The following SPINDOC variants were observed in gnomAD, a reference collection of about 807,000 sequenced individuals.
SPINDOC encodes spindlin interactor and repressor of chromatin-binding protein.
A neutral mutation model predicts 30.7 loss-of-function variants in SPINDOC; 13 were observed. The ratio of observed to expected loss-of-function variants is 0.42; its 90% CI spans 0.28 to 0.67. The LOEUF is 0.67. Among genes scored for constraint, SPINDOC ranks in the 30% least tolerant of loss-of-function variants. The probability of loss-of-function intolerance (pLI) is 0.22; values close to 1 mark genes in which losing one functional copy is unlikely to be tolerated. For synonymous variants in SPINDOC, 228 were observed against 211.4 expected, an observed-to-expected ratio of 1.08 and a Z score of -0.68; for missense variants, 438 against 518.0, an observed-to-expected ratio of 0.85 and a Z score of 1.50.
At chr11:63,817,035 G>A (rs1000331990) in intron 1 of SPINDOC, among the ~76,000 whole-genome samples, 17 of 151,934 alleles carry the variant, frequency 1.1e-4, no homozygotes, top group Non-Finnish European at 2.4e-4. Context: ...TAATTAGCTG[G>A]GTGTGATAGC....
Position 63,818,118 on chromosome 11 carries a change from G to A in SPINDOC, c.441G>A (p.Pro147=), listed in dbSNP as rs114963373. ...TGCAAGACGTGAGAGCTGAGCAGCCGTCCCCACCCAACTCAGGTAGTTGGT... is the reference window on the plus strand; with the variant it reads ...TGCAAGACGTGAGAGCTGAGCAGCCATCCCCACCCAACTCAGGTAGTTGGT... ...ALLQDVRAEQ[P]SPPNSDSGQD... is the part of the protein sequence containing the mutation. Residue 147 remains proline (P), a synonymous_variant, in exon 2 of 6, where the codon CCG becomes CCA. Coordinates refer to ENST00000294244, the MANE Select transcript of SPINDOC (RefSeq NM_138471.3). This position sits in a 1 kb window ranked among gnomAD's most constrained non-coding sequence, Gnocchi z 5.3. 177 of 1,613,902 alleles carry A rather than the reference G, an allele frequency of 1.1e-4. No homozygotes were observed. In the East Asian group the frequency reaches 1.2e-3, roughly 11 times the overall value.
Position 63,823,039 on chromosome 11 carries a change from T to C in SPINDOC, c.935-3889T>C, listed in dbSNP as rs1033694184. ...TGGGAAACCATAGAGGATACCTCAC[T>C]GGTACACAAGTGTTCCTGGAGCCTG... is the stretch of plus-strand genomic sequence containing the variant. On this transcript the variant is annotated intron_variant, in intron 5 of 5. Transcript: ENST00000294244. 8.5e-6 allele frequency: 9 copies of C among 1,064,958 alleles called. No individual in the cohort carries two copies. The South Asian group carries it at 1.0e-4, about 12-fold the overall frequency. 66.0% of individuals were successfully genotyped at this position (1,064,958 alleles called of 1,614,324 possible).
intron 5 of SPINDOC, among the ~76,000 whole-genome samples, chr11:63,824,802 T>A (rs1408303352): frequency 1.3e-5 from 2 of 149,982 alleles, no homozygotes; most frequent in African/African-American, 4.9e-5. Context: ...ACATTGAAAC[T>A]GAACCCCCAG....
At position 63,817,628 on chromosome 11, in the gene SPINDOC, A is replaced by G. The variant is rs138766605; in HGVS notation, c.128-177A>G. ...GCGAGAGTCGTGGGATCCCGGGCAC[A>G]TCGGCTGTGTTGAGTGTGGCGTGTG... On this transcript the variant is annotated intron_variant, in intron 1 of 5. Transcript: ENST00000294244. Among the ~76,000 whole-genome samples, 663 of 152,240 alleles carry G rather than the reference A, an allele frequency of 4.4e-3. 8 individuals carry two copies. The highest frequency in any genetic ancestry group is 0.015 in the African/African-American group (636 of 41,542).
chr11:63,816,440 G>A (rs1386309494), intron 1 of SPINDOC, among the ~76,000 whole-genome samples: 1 of 152,132 alleles, frequency 6.6e-6, no homozygotes, highest in African/African-American at 2.4e-5. Flanking sequence ...TAGTAGGGAA[G>A]AAAGCTGATT....
chr11:63,823,381 TA>T (rs35231010), intron 5 of SPINDOC: 1 of 1,173,488 alleles, frequency 8.5e-7, no homozygotes, highest in Non-Finnish European at 1.1e-6. Context: ...ATTAGAGGTG[TA>T]AAAATCGTGG....
chr11:63,824,617 T>A (rs1450817212), intron 5 of SPINDOC, among the ~76,000 whole-genome samples: 2 of 152,068 alleles, frequency 1.3e-5, no homozygotes, highest in Admixed American at 1.3e-4. Flanking sequence ...ATGACATGTG[T>A]GTGCTCATAA....
At chr11:63,816,318 A>G (rs975166920) in intron 1 of SPINDOC, among the ~76,000 whole-genome samples, 2 of 152,232 alleles carry the variant, frequency 1.3e-5, no homozygotes, top group African/African-American at 4.8e-5. Flanking sequence ...GTCATGCCCT[A>G]GACGCAAGTG....
chr11:63,818,196 T>C lies in SPINDOC; in HGVS notation c.458-20T>C, dbSNP rs1166657998. 1.2e-6 allele frequency: 2 copies of C among 1,613,710 alleles called. No homozygotes were observed. The highest frequency in any genetic ancestry group is 2.2e-5 in the East Asian group (1 of 44,866). ...ACTTGTTGGGGCACTAGAAGCTCAT[T>C]GTGCTCTTGCTCCCTGCAGACTCGG... On this transcript the variant is annotated intron_variant, in intron 2 of 5. Coordinates refer to ENST00000294244, the MANE Select transcript of SPINDOC (RefSeq NM_138471.3). The surrounding 1 kb of genome is among the most constrained non-coding windows in gnomAD (Gnocchi z 5.3).
Position 63,826,972 on chromosome 11 carries a change from C to T in SPINDOC, c.979C>T (p.Arg327Cys), listed in dbSNP as rs1278197813. ...CGGGACACTGGATCTCCAGGTTATC[C>T]GCGTGCGGATGGAGGAGCCCCCAGC... ...LRGTLDLQVIRVRMEEPPAVS... is the reference protein window; with the variant it reads ...LRGTLDLQVICVRMEEPPAVS... Residue 327 changes from arginine (R) to cysteine (C), a missense_variant, in exon 6 of 6, where the codon CGC (arginine) becomes TGC (cysteine). Physicochemically the swap from Arg to Cys is radical, Grantham distance 180. Coordinates refer to ENST00000294244, the MANE Select transcript of SPINDOC (RefSeq NM_138471.3). 12 of 1,608,306 alleles carry T rather than the reference C, an allele frequency of 7.5e-6. No homozygotes were observed. The highest frequency in any genetic ancestry group is 9.4e-6 in the Non-Finnish European group (11 of 1,175,040).
chr11:63,820,941 A>G (rs2015504153), intron 5 of SPINDOC, among the ~76,000 whole-genome samples: 1 of 148,468 alleles, frequency 6.7e-6, no homozygotes, highest in African/African-American at 2.5e-5. Flanking sequence ...AGTCCCAGCC[A>G]CTTGGGAGGC....
Position 63,826,970 on chromosome 11 carries a change from T to C in SPINDOC, c.977T>C (p.Ile326Thr), listed in dbSNP as rs769227035. Residue 326 changes from isoleucine to threonine, a missense_variant, in exon 6 of 6, where the codon ATC (isoleucine) becomes ACC (threonine). Physicochemically the swap from Ile to Thr is moderately conservative, Grantham distance 89 (BLOSUM62 -1). Transcript: ENST00000294244. ...GLRGTLDLQV[I>T]RVRMEEPPAV... ...CGCGGGACACTGGATCTCCAGGTTA[T>C]CCGCGTGCGGATGGAGGAGCCCCCA... 1.2e-6 allele frequency: 2 copies of C among 1,607,580 alleles called. No individual in the cohort carries two copies. The highest frequency in any genetic ancestry group is 1.7e-6 in the Non-Finnish European group (2 of 1,174,212).
At chr11:63,821,634 G>C (rs1380707622) in intron 5 of SPINDOC, among the ~76,000 whole-genome samples, 1 of 152,206 alleles carries the variant, frequency 6.6e-6, no homozygotes, top group African/African-American at 2.4e-5. Flanking sequence ...GAATAGGTAG[G>C]AGTGCACGTC....
At chr11:63,825,498 TTTTA>T (rs914257233) in intron 5 of SPINDOC, among the ~76,000 whole-genome samples, 7 of 152,210 alleles carry the variant, frequency 4.6e-5, no homozygotes, top group African/African-American at 1.2e-4. Flanking sequence ...ATACTGCATT[TTTTA>T]TTTGTTTATC....
At position 63,818,517 on chromosome 11, in the gene SPINDOC, C is replaced by A. The variant is rs1275693728; in HGVS notation, c.608-10C>A. 8 of 1,610,574 alleles carry A rather than the reference C, an allele frequency of 5.0e-6. No homozygotes were observed. Among genetic ancestry groups the A allele is most frequent in the Non-Finnish European group, 6.8e-6 (8 of 1,179,764 alleles). On this transcript the variant is annotated splice_polypyrimidine_tract_variant and intron_variant, in intron 3 of 5. Coordinates refer to ENST00000294244, the MANE Select transcript of SPINDOC (RefSeq NM_138471.3). The surrounding 1 kb of genome is among the most constrained non-coding windows in gnomAD (Gnocchi z 5.3). ...TCTTTAAAAGGGTATGAGGTCTTTT[C>A]TTTTTGCAGCTGTCCCTGCCACAGA...
In SPINDOC at chr11:63,813,486, C is replaced by T. The variant is rs976500454; in HGVS notation, c.-201C>T. ...GAGCCCTCCCCGCCCGGGCTCCCGA[C>T]GCGCCGAGGTCTCGGGGAGGCCCGG... On this transcript the variant is annotated 5_prime_UTR_variant, in exon 1 of 6. It adds an upstream start codon to the 5' untranslated region. Transcript: ENST00000294244. The T allele has an allele frequency of 4.8e-6, 1 of 206,434 alleles. No homozygotes were observed. 12.8% of individuals were successfully genotyped at this position (206,434 alleles called of 1,614,324 possible). A position where few individuals can be genotyped will look rare whatever the true frequency, so the allele number is the denominator to read the frequency against.
At chr11:63,813,866 G>A (rs891970125) in intron 1 of SPINDOC, 53 bp downstream of exon 1, 13 of 1,445,260 alleles carry the variant, frequency 9.0e-6, no homozygotes, top group Admixed American at 4.8e-5. Flanking sequence ...CCGGGGCTGG[G>A]GCCGTCCCTC....
At chr11:63,826,105 A>C (rs1423239701) in intron 5 of SPINDOC, among the ~76,000 whole-genome samples, 2 of 151,782 alleles carry the variant, frequency 1.3e-5, no homozygotes, top group Non-Finnish European at 2.9e-5. Flanking sequence ...TGCCTGCCTA[A>C]TTTCTTTGTA....
intron 5 of SPINDOC, among the ~76,000 whole-genome samples, chr11:63,824,298 G>A (rs1304447240): frequency 1.3e-5 from 2 of 152,126 alleles, no homozygotes; most frequent in Non-Finnish European, 2.9e-5. Context: ...TTTTCAGGCA[G>A]CTGCTCGCCT....
Sources: gnomAD v4.1 joint callset for allele counts (sites outside exome capture counted in the v4.1 genomes callset) on GRCh38, gnomAD v4.1.1 for gene constraint, Gnocchi (gnomAD v3.1) non-coding constraint, MANE v1.5 for transcripts, NCBI Gene and HGNC (gene_info 2026-07-23, HGNC 2026-07-21) for gene names.